The following MYO18A variants were observed in gnomAD, a reference collection of about 807,000 sequenced individuals.
MYO18A encodes the protein unconventional myosin-XVIIIa.
In MYO18A, 78 loss-of-function variants were observed where a neutral mutation model predicts 235.8. That is an observed-to-expected ratio of 0.33 (90% CI 0.28 to 0.40). MYO18A has a LOEUF of 0.40. Among genes scored for constraint, MYO18A ranks in the 10% least tolerant of loss-of-function variants. The probability of loss-of-function intolerance (pLI) is 1.00; values close to 1 mark genes in which losing one functional copy is unlikely to be tolerated. For missense variants in MYO18A, 2,215 were observed against 2,699.3 expected (o/e 0.82, Z 3.98); for synonymous variants, 977 against 1,077.8 (o/e 0.91, Z 1.83).
chr17:29,165,870 A>G lies in MYO18A; in HGVS notation c.999+72T>C, dbSNP rs550820514. 3.8e-5 allele frequency: 54 copies of G among 1,406,396 alleles called. No individual in the cohort carries two copies. In the African/African-American group the frequency reaches 7.1e-4, roughly 18 times the overall value. 87.1% of individuals were successfully genotyped at this position (1,406,396 alleles called of 1,614,324 possible). On this transcript the variant is annotated intron_variant, in intron 2 of 41. Transcript: ENST00000527372. ...CTGATAACAGCTCTTGGGTACCCCG[A>G]TTACCCAGTCAAGCAGGAGGTGCCC...
Position 29,083,530 on chromosome 17 carries a change from G to GCACA in MYO18A, c.5898-1093_5898-1092insTGTG, listed in dbSNP as rs1384155972. Among the ~76,000 whole-genome samples the GCACA allele has an allele frequency of 8.9e-3, 1,242 of 140,276 alleles. 25 individuals carry two copies. The highest frequency in any genetic ancestry group is 0.03 in the African/African-American group (1,136 of 37,676). The allele number at this position is 140,276 out of a possible 152,430, so 92.0% of individuals were successfully genotyped here. A position where few individuals can be genotyped will look rare whatever the true frequency, so the allele number is the denominator to read the frequency against. On this transcript the variant is annotated intron_variant, in intron 40 of 41. Transcript: ENST00000527372. ...GCCACACAGGCATGTGTGCGCGCGC[G>GCACA]CGCACACACACACACACACACACAC...
rs764544928 is a variant in MYO18A at position 29,093,025 on chromosome 17, G to A, written c.4927-24C>T. 22 of 1,609,206 alleles carry A rather than the reference G, an allele frequency of 1.4e-5. No individual in the cohort carries two copies. In the African/African-American group the frequency reaches 2.5e-4, roughly 19 times the overall value. On this transcript the variant is annotated intron_variant, in intron 32 of 41. Transcript: ENST00000527372. ...ACCTGGGTGGGCACCAGCAGTTGGG[G>A]TTCTGGGCTCTGCACAGGGCTTCCT...
intron 41 of MYO18A, chr17:29,080,322 G>A (rs1412849148): frequency 6.1e-6 from 6 of 986,068 alleles, no homozygotes; most frequent in Admixed American, 6.1e-5. Flanking sequence ...GGACGCTGGA[G>A]CTGGGAGGCT....
intron 21 of MYO18A, 64 bp downstream of exon 21, chr17:29,103,535 G>A (rs1217002658): frequency 1.3e-6 from 2 of 1,501,938 alleles, no homozygotes; most frequent in Admixed American, 3.4e-5. Context: ...CAGGAGGAGT[G>A]GGCCAGCCAC....
In MYO18A at chr17:29,085,650, T is replaced by C. The variant is rs778697802; in HGVS notation, c.5853-2A>G. On this transcript the variant is annotated splice_acceptor_variant, in intron 39 of 41. Transcript: ENST00000527372. LOFTEE classifies it high-confidence loss of function. ...TACTTTGTCACCATGTCCTGCAAAC[T>C]GGAAATAGAAGGAAAATGGTGGGCA... is the stretch of plus-strand genomic sequence containing the variant. 181 of 1,613,862 alleles carry C rather than the reference T, an allele frequency of 1.1e-4. No homozygotes were observed. Among genetic ancestry groups the C allele is most frequent in the Non-Finnish European group, 1.5e-4 (175 of 1,179,846 alleles).
Position 29,074,847 on chromosome 17 carries a change from T to C in MYO18A, c.6088A>G (p.Thr2030Ala), listed in dbSNP as rs1217906928. The change falls in exon 42 of 42, where the codon ACC becomes GCC. Residue 2030 changes from threonine to alanine, a missense_variant. Physicochemically the swap from Thr to Ala is moderately conservative, Grantham distance 58. Coordinates refer to ENST00000527372, the MANE Select transcript of MYO18A (RefSeq NM_078471.4). This position sits in a 1 kb window ranked among gnomAD's most constrained non-coding sequence, Gnocchi z 4.4. ...CTGTGGGAGTATCGCGGTCTGGAGGTGTTGTCGAGAGGGTCGTGCTCATCA... is the reference window on the plus strand; with the variant it reads ...CTGTGGGAGTATCGCGGTCTGGAGGCGTTGTCGAGAGGGTCGTGCTCATCA... ...SDDEHDPLDN[T>A]SRPRYSHSYL... is the part of the protein sequence containing the mutation. 6.2e-7 allele frequency: 1 copy of C among 1,613,604 alleles called. No individual in the cohort carries two copies. The highest frequency in any genetic ancestry group is 1.7e-5 in the Admixed American group (1 of 59,976).
At chr17:29,136,632 C>G (rs904518833) in intron 2 of MYO18A, among the ~76,000 whole-genome samples, 3 of 152,146 alleles carry the variant, frequency 2.0e-5, no homozygotes, top group Admixed American at 6.5e-5. Flanking sequence ...CCCATTTTAT[C>G]GAGGAGGGAA....
rs762485158 is a variant in MYO18A at position 29,093,997 on chromosome 17, G to T, written c.4804C>A (p.Gln1602Lys). ...SRDEEVEEAR[Q>K]SCQKKLKQME... ...TACCTTACCTTCTTCTGACACGACT[G>T]CCGGGCCTCCTCCACCTCCTCATCC... The change falls in exon 31 of 42, where the codon CAG becomes AAG. Residue 1602 changes from glutamine to lysine, a missense_variant. By Grantham distance (53) the Gln-to-Lys change is moderately conservative. Transcript: ENST00000527372. 1 of 1,609,668 alleles carries T rather than the reference G, an allele frequency of 6.2e-7. No individual in the cohort carries two copies. The highest frequency in any genetic ancestry group is 1.1e-5 in the South Asian group (1 of 89,850).
rs368134650 is a variant in MYO18A at position 29,095,052 on chromosome 17, T to C, written c.4393A>G (p.Ser1465Gly). Reference sequence around the variant, plus strand: ...TCCTCATGCGCCTGCGAGAGCTCACTGTCAAACCTGCGAGGGAGTGTGGCG... The same window carrying C: ...TCCTCATGCGCCTGCGAGAGCTCACCGTCAAACCTGCGAGGGAGTGTGGCG... ...ELEKKQRRFD[S>G]ELSQAHEEAQ... The change falls in exon 29 of 42, where the codon AGT (serine) becomes GGT (glycine). Residue 1465 changes from serine to glycine, a missense_variant. By Grantham distance (56) the Ser-to-Gly change is moderately conservative. Transcript: ENST00000527372. 2.6e-6 allele frequency: 4 copies of C among 1,543,384 alleles called. No homozygotes were observed. The African/African-American group carries it at 4.1e-5, about 16-fold the overall frequency.
chr17:29,124,824 G>T, intron 2 of MYO18A: 1 of 636,642 alleles, frequency 1.6e-6, no homozygotes, highest in Non-Finnish European at 2.2e-6. Context: ...GGTGAAGGTG[G>T]GGGAGCTTGG....
chr17:29,133,731 C>G, intron 2 of MYO18A: 1 of 1,180,874 alleles, frequency 8.5e-7, no homozygotes, highest in Non-Finnish European at 1.1e-6. Flanking sequence ...ACAAGCCAGT[C>G]TCCTGCCTGC....
chr17:29,142,590 C>G (rs1260790827), intron 2 of MYO18A, among the ~76,000 whole-genome samples: 1 of 152,180 alleles, frequency 6.6e-6, no homozygotes, highest in Non-Finnish European at 1.5e-5. Flanking sequence ...ACCTGCTGAA[C>G]CAAGAACTCT....
At chr17:29,133,253 A>G (rs1438491581) in intron 2 of MYO18A, among the ~76,000 whole-genome samples, 1 of 152,130 alleles carries the variant, frequency 6.6e-6, no homozygotes, top group African/African-American at 2.4e-5. Context: ...TCCCTCCCCC[A>G]TCAGAAGGGC....
At chr17:29,165,498 T>G (rs6505110) in intron 2 of MYO18A, 162,307 of 162,308 alleles carry the variant, frequency 1, 81,153 homozygotes, top group Middle Eastern at 1. Context: ...GCTTGGTCTA[T>G]CCCAGCACCG....
At chr17:29,162,088 C>T (rs2068186324) in intron 2 of MYO18A, among the ~76,000 whole-genome samples, 1 of 152,142 alleles carries the variant, frequency 6.6e-6, no homozygotes, top group South Asian at 2.1e-4. Context: ...CTCAGTTGCT[C>T]GAGTCTGAGA....
chr17:29,097,233 AGCT>A lies in MYO18A; in HGVS notation c.4217_4219del (p.Gln1406del). 6.2e-7 allele frequency: 1 copy of A among 1,610,064 alleles called. No homozygotes were observed. ...CCTCCCCAGCCTCACCCGCCGTTCCAGCTGCCTCTTGTTCTGCTGCTCCACCTC... is the reference window on the plus strand; with the variant it reads ...CCTCCCCAGCCTCACCCGCCGTTCCAGCCTCTTGTTCTGCTGCTCCACCTC... On this transcript the variant is annotated inframe_deletion, in exon 27 of 42. Coordinates refer to ENST00000527372, the MANE Select transcript of MYO18A (RefSeq NM_078471.4).
chr17:29,167,559 A>T lies in MYO18A; in HGVS notation c.-81-538T>A, dbSNP rs1224230832. 6.6e-5 allele frequency among the ~76,000 whole-genome samples: 10 copies of T among 152,192 alleles called. No homozygotes were observed. The South Asian group carries it at 1.2e-3, about 19-fold the overall frequency. On this transcript the variant is annotated intron_variant, in intron 1 of 41. Coordinates refer to ENST00000527372, the MANE Select transcript of MYO18A (RefSeq NM_078471.4). ...AGACCCTATCTCTAAAAAAAATTTT[A>T]AAAATTAGCCAGGCATGCTGGTGCA...
intron 1 of MYO18A, among the ~76,000 whole-genome samples, chr17:29,177,787 C>T (rs1248031929): frequency 3.9e-5 from 6 of 152,282 alleles, no homozygotes; most frequent in Non-Finnish European, 5.9e-5. Context: ...GGCCTGGGAC[C>T]CCAGGCCACC....
intron 2 of MYO18A, among the ~76,000 whole-genome samples, chr17:29,155,054 A>T (rs1328095652): frequency 6.6e-6 from 1 of 152,176 alleles, no homozygotes; most frequent in East Asian, 1.9e-4. Context: ...ACGGAGAGTC[A>T]TGACAGTCTC....
Sources: allele counts gnomAD v4.1 joint callset (sites outside exome capture counted in the v4.1 genomes callset), GRCh38; gene constraint gnomAD v4.1.1; non-coding constraint Gnocchi (gnomAD v3.1); transcripts MANE v1.5; gene names NCBI Gene and HGNC (gene_info 2026-07-23, HGNC 2026-07-21).